The following KIF14 variants were observed in gnomAD, a reference collection of about 807,000 sequenced individuals.
The protein encoded by KIF14 is kinesin-like protein KIF14.
A neutral mutation model predicts 176.2 loss-of-function variants in KIF14; 98 were observed. The ratio of observed to expected loss-of-function variants is 0.56; its 90% confidence interval spans 0.47 to 0.66. KIF14 has a LOEUF of 0.66. KIF14 is among the 30% of genes least tolerant of loss of function. KIF14 has a pLI of 0.00. For missense variants in KIF14, 1,751 were observed against 1,920.4 expected, an observed-to-expected ratio of 0.91 and a Z score of 1.65; for synonymous variants, 566 against 632.2, an observed-to-expected ratio of 0.90 and a Z score of 1.57.
chr1:200,572,502 G>A (rs939181569), intron 22 of KIF14, among the ~76,000 whole-genome samples: 3 of 152,008 alleles, frequency 2.0e-5, no homozygotes, highest in South Asian at 2.1e-4. Context: ...CCAACACCAC[G>A]CCCAGCTAAT....
chr1:200,614,436 T>C (rs1375488213), intron 3 of KIF14, 31 bp from the exon 4 acceptor site: 3 of 1,299,672 alleles, frequency 2.3e-6, no homozygotes, highest in Non-Finnish European at 3.3e-6. Flanking sequence ...AAGGGGGAAA[T>C]AAAACTAATT....
rs771861262 is a variant in KIF14 at position 200,618,625 on chromosome 1, A to C, written c.99T>G (p.Ser33Arg). The C allele has an allele frequency of 3.1e-6, 5 of 1,614,138 alleles. No homozygotes were observed. The South Asian group carries it at 5.5e-5, about 18-fold the overall frequency. The change falls in exon 2 of 30, where the codon AGT becomes AGG. Residue 33 changes from serine to arginine, a missense_variant. Transcript: ENST00000367350. ...NSSSLNALTHSSRLKLHLKSD... is the reference protein window; with the variant it reads ...NSSSLNALTHRSRLKLHLKSD... ...ACTTCAAATGCAGCTTAAGTCGGCT[A>C]CTGTGGGTGAGGGCATTCAGTGATG...
chr1:200,618,864 T>C (rs1239752914), intron 1 of KIF14, 26 bp from the exon 2 acceptor site: 2 of 656,904 alleles, frequency 3.0e-6, no homozygotes, highest in Admixed American at 3.0e-5. Context: ...AAGATTTAGA[T>C]CACACAGACT....
At chr1:200,565,788 A>G (rs1657415810) in intron 23 of KIF14, 119 bp from the exon 24 acceptor site, 2 of 667,974 alleles carry the variant, frequency 3.0e-6, no homozygotes, top group Non-Finnish European at 5.0e-6. Context: ...ACAACAACAA[A>G]GCATTTTTGT....
intron 19 of KIF14, among the ~76,000 whole-genome samples, chr1:200,585,690 C>T (rs1216003181): frequency 6.6e-6 from 1 of 152,104 alleles, no homozygotes; most frequent in East Asian, 1.9e-4. Context: ...TTCTGGGTTG[C>T]AGACTACCAT....
At chr1:200,614,034 C>CATAG (rs1291698754) in intron 4 of KIF14, among the ~76,000 whole-genome samples, 3 of 152,200 alleles carry the variant, frequency 2.0e-5, no homozygotes, top group Non-Finnish European at 4.4e-5. Flanking sequence ...TATAACAGCA[C>CATAG]ATAGCTACCA....
intron 4 of KIF14, among the ~76,000 whole-genome samples, chr1:200,609,278 C>G (rs1412051707): frequency 5.9e-5 from 9 of 152,160 alleles, no homozygotes; most frequent in Non-Finnish European, 8.8e-5. Flanking sequence ...GAAACTGGAA[C>G]CCTCCTCCAT....
rs186194934 is a variant in KIF14, at chr1:200,566,471, T to C, written c.3662-802A>G. ...AGCTGGGCGTGGTGGCACACGCCTG[T>C]AGTTCCAGCTACCCGGGAGGCTGAG... On this transcript the variant is annotated intron_variant, in intron 23 of 29. Coordinates refer to ENST00000367350, the MANE Select transcript of KIF14 (RefSeq NM_014875.3). 9.2e-5 allele frequency among the ~76,000 whole-genome samples: 14 copies of C among 151,862 alleles called. No homozygotes were observed. The East Asian group carries it at 2.6e-3, about 28-fold the overall frequency.
At chr1:200,577,118 T>A (rs1036132267) in intron 21 of KIF14, among the ~76,000 whole-genome samples, 13 of 145,084 alleles carry the variant, frequency 9.0e-5, no homozygotes, top group Non-Finnish European at 1.9e-4. Flanking sequence ...GAGATCAGCA[T>A]GGCCAACATG....
chr1:200,619,285 T>C (rs996785922), intron 1 of KIF14, among the ~76,000 whole-genome samples: 1 of 144,592 alleles, frequency 6.9e-6, no homozygotes, highest in Non-Finnish European at 1.5e-5. Context: ...AGTATTTTTA[T>C]AAATACCTGC....
At chr1:200,587,112 A>C (rs1185240450) in intron 18 of KIF14, among the ~76,000 whole-genome samples, 1 of 152,078 alleles carries the variant, frequency 6.6e-6, no homozygotes, top group Admixed American at 6.6e-5. Flanking sequence ...AGATCATCAG[A>C]TATTAGATTC....
At chr1:200,560,908 C>G in intron 25 of KIF14, 28 bp from the exon 26 acceptor site, 1 of 1,596,800 alleles carries the variant, frequency 6.3e-7, no homozygotes, top group Non-Finnish European at 8.6e-7. Context: ...ACAAGTGTAT[C>G]AGATACATGA....
Position 200,617,709 on chromosome 1 carries a change from C to T in KIF14, c.1015G>A (p.Glu339Lys), listed in dbSNP as rs747037057. The T allele has an allele frequency of 8.4e-5, 135 of 1,614,036 alleles. No individual in the cohort carries two copies. The highest frequency in any genetic ancestry group is 1.1e-4 in the Non-Finnish European group (134 of 1,180,014). The change falls in exon 2 of 30, where the codon GAA becomes AAA. Residue 339 changes from glutamate (E) to lysine (K), a missense_variant. By Grantham distance (56) the Glu-to-Lys change is moderately conservative. Transcript: ENST00000367350. ...SAENTILPEE[E>K]TVVQNTSAGK... ...GCAGAGGTGTTCTGAACTACAGTTT[C>T]TTCTTCGGGAAGAATTGTATTTTCT...
chr1:200,602,118 A>G, intron 10 of KIF14, 50 bp from the exon 11 acceptor site: 1 of 1,500,766 alleles, frequency 6.7e-7, no homozygotes, highest in Non-Finnish European at 9.1e-7. Context: ...ACTTAATAAC[A>G]GTAATTATCT....
rs540656794 is a variant in KIF14, at chr1:200,577,615, C to G, written c.3466-1924G>C. On this transcript the variant is annotated intron_variant, in intron 21 of 29. Transcript: ENST00000367350. ...ATTGAGACCGCTGACGCAGGAGAAT[C>G]GCTTGAACCCGGGAGACGGAGGTTG... Among the ~76,000 whole-genome samples the G allele has an allele frequency of 1.9e-3, 291 of 151,752 alleles. 3 individuals are homozygous for G. Among genetic ancestry groups the G allele is most frequent in the African/African-American group, 6.5e-3 (271 of 41,398 alleles).
chr1:200,557,436 T>C (rs1321805110), intron 27 of KIF14, among the ~76,000 whole-genome samples: 2 of 152,204 alleles, frequency 1.3e-5, no homozygotes, highest in Non-Finnish European at 2.9e-5. Context: ...TTCGTATACG[T>C]TGTTTCTTCA....
In KIF14 at chr1:200,564,989, T is replaced by C; in HGVS notation, c.4071+80A>G. 2.8e-6 allele frequency: 3 copies of C among 1,078,154 alleles called. No individual in the cohort carries two copies. The South Asian group carries it at 5.1e-5, about 18-fold the overall frequency. The allele number at this position is 1,078,154 out of a possible 1,614,324, so 66.8% of individuals were successfully genotyped here. ...TTTGAAAATCATACAGAGCTAATTT[T>C]GGGGAAGATATAGACAGTAGAAAGC... On this transcript the variant is annotated intron_variant, in intron 25 of 29. Coordinates refer to ENST00000367350, the MANE Select transcript of KIF14 (RefSeq NM_014875.3).
At chr1:200,605,985 C>T (rs182608091) in intron 6 of KIF14, 91 bp from the exon 7 acceptor site, 17 of 648,014 alleles carry the variant, frequency 2.6e-5, no homozygotes, top group South Asian at 7.9e-5. Context: ...TACATATTTA[C>T]GCTGAAGATC....
chr1:200,608,756 C>T, intron 5 of KIF14, 74 bp downstream of exon 5: 1 of 874,362 alleles, frequency 1.1e-6, no homozygotes, highest in East Asian at 2.6e-5. Flanking sequence ...CTATACCATC[C>T]AGAGAACTCA....
Sources: gnomAD v4.1 joint callset for allele counts (sites outside exome capture counted in the v4.1 genomes callset) on GRCh38, gnomAD v4.1.1 for gene constraint, MANE v1.5 for transcripts, NCBI Gene and HGNC (gene_info 2026-07-23, HGNC 2026-07-21) for gene names.